Variants in IDH3A observed in about 807,000 individuals in gnomAD.
IDH3A encodes isocitrate dehydrogenase (NAD(+)) 3 catalytic subunit alpha.
Under a neutral mutation model 43.3 loss-of-function variants are expected in IDH3A, and 23 were observed. The ratio of observed to expected loss-of-function variants is 0.53; its 90% CI spans 0.38 to 0.75. IDH3A has a LOEUF of 0.75. Ranked by LOEUF, IDH3A falls within the 30% of genes least tolerant of loss-of-function variation. The pLI, the probability that IDH3A is intolerant of heterozygous loss-of-function variation, is 0.00. For synonymous variants in IDH3A, 154 were observed against 163.5 expected, an observed-to-expected ratio of 0.94 and a Z score of 0.44; for missense variants, 329 against 474.4, an observed-to-expected ratio of 0.69 and a Z score of 2.85.
intron 10 of IDH3A, chr15:78,168,416 G>C (rs1007303705): frequency 6.6e-6 from 1 of 152,084 alleles, no homozygotes; most frequent in Admixed American, 6.6e-5. Context: ...TTGAACCCAG[G>C]AGGCAGAGGT....
At chr15:78,154,927 G>A in intron 1 of IDH3A, 1 of 266,960 alleles carries the variant, frequency 3.7e-6, no homozygotes. Flanking sequence ...AGCTGAAAAA[G>A]TAGTTTTATT....
chr15:78,165,085 C>T lies in IDH3A; in HGVS notation c.864+9C>T. 1.3e-6 allele frequency: 2 copies of T among 1,580,276 alleles called. No individual in the cohort carries two copies. The highest frequency in any genetic ancestry group is 8.7e-7 in the Non-Finnish European group (1 of 1,149,310). ...TTGCAATTTTTGAGTCGGTAAGGAC[C>T]CTGACACCTGAAACAGAACTCAGGT... On this transcript the variant is annotated intron_variant, in intron 9 of 10. Transcript: ENST00000299518.
intron 1 of IDH3A, 65 bp downstream of exon 1, chr15:78,149,495 C>A: frequency 7.0e-7 from 1 of 1,426,056 alleles, no homozygotes; most frequent in South Asian, 1.3e-5. Context: ...GAGAGCCGGT[C>A]GCGTGCCGGG....
rs3816253 is a variant in IDH3A, at chr15:78,166,143, T to C, written c.865-7T>C. The stretch of plus-strand genomic sequence containing the variant: ...CCCTTGATGATGCTACTTTTCCCGA[T>C]GTGTAGGTTCATGGGACGGCTCCAG... On this transcript the variant is annotated splice_region_variant and splice_polypyrimidine_tract_variant and intron_variant, in intron 9 of 10. Coordinates refer to ENST00000299518, the MANE Select transcript of IDH3A (RefSeq NM_005530.3). 0.42 allele frequency: 678,123 copies of C among 1,611,006 alleles called. 144,487 individuals are homozygous for C. Among genetic ancestry groups the C allele is most frequent in the African/African-American group, 0.48 (36,083 of 74,854 alleles).
intron 3 of IDH3A, among the ~76,000 whole-genome samples, chr15:78,158,448 C>CACATATATATATATATATATATATATAT (rs763962799): frequency 3.5e-5 from 1 of 28,238 alleles, no homozygotes; most frequent in African/African-American, 1.6e-4. Flanking sequence ...TACATACATA[C>CACATATATATATATATATATATATATAT]ATATATATAT....
chr15:78,152,485 T>C (rs914553280), intron 1 of IDH3A, among the ~76,000 whole-genome samples: 11 of 150,764 alleles, frequency 7.3e-5, no homozygotes, highest in African/African-American at 2.7e-4. Flanking sequence ...CTCAGCCTCC[T>C]GAATAGCTGG....
At position 78,169,238 on chromosome 15, in the gene IDH3A, A is replaced by G. The variant is rs1164667605; in HGVS notation, c.*233A>G. On this transcript the variant is annotated 3_prime_UTR_variant, in exon 11 of 11. Transcript: ENST00000299518. Reference sequence around the variant, plus strand: ...TATTTATTAAGTGTCTACCTGGTAAATGTTTTTTTTGTAAACTCTGAGTGG... The same window carrying G: ...TATTTATTAAGTGTCTACCTGGTAAGTGTTTTTTTTGTAAACTCTGAGTGG... 3 of 335,012 alleles carry G rather than the reference A, an allele frequency of 9.0e-6. No individual in the cohort carries two copies. Among genetic ancestry groups the G allele is most frequent in the Admixed American group, 4.7e-5 (1 of 21,102 alleles). 20.8% of individuals were successfully genotyped at this position (335,012 alleles called of 1,614,324 possible).
Position 78,166,296 on chromosome 15 carries a change from C to T in IDH3A, c.1011C>T (p.Asp337=), listed in dbSNP as rs2304826. The change falls in exon 10 of 11, where the codon GAC becomes GAT. Residue 337 remains aspartate (D), a synonymous_variant. Transcript: ENST00000299518. ...IEAACFATIK[D]GKSLTKDLGG... ...CTGCGTGTTTTGCTACAATTAAGGA[C>T]GGAAAGGTAACAGGAATCTTGATTT... 35,275 of 1,613,826 alleles carry T rather than the reference C, an allele frequency of 0.022. 837 individuals carry two copies. Among genetic ancestry groups the T allele is most frequent in the African/African-American group, 0.11 (8,037 of 74,960 alleles).
chr15:78,155,274 G>C lies in IDH3A; in HGVS notation c.89G>C (p.Gly30Ala). The C allele has an allele frequency of 3.1e-6, 5 of 1,607,190 alleles. No homozygotes were observed. Among genetic ancestry groups the C allele is most frequent in the Non-Finnish European group, 4.3e-6 (5 of 1,173,986 alleles). Residue 30 changes from glycine (G) to alanine (A), a missense_variant and splice_region_variant, in exon 2 of 11, where the codon GGT becomes GCT. Gly to Ala is a moderately conservative substitution (Grantham distance 60). This residue lies in a region of IDH3A where 212 missense variants were observed against 345.5 expected (regional missense o/e 0.61). Transcript: ENST00000299518. ...CAGGTGACCAGAGGTTTTACTGGTG[G>C]TGTGAGTATAATTATGTCTTTTATT... ...PKQVTRGFTG[G>A]VQTVTLIPGD...
At chr15:78,154,986 T>C (rs1427199493) in intron 1 of IDH3A, among the ~76,000 whole-genome samples, 1 of 152,230 alleles carries the variant, frequency 6.6e-6, no homozygotes, top group Non-Finnish European at 1.5e-5. Flanking sequence ...TAAATTGACT[T>C]TGAAAATATA....
intron 3 of IDH3A, among the ~76,000 whole-genome samples, chr15:78,159,729 G>A (rs548204282): frequency 5.3e-4 from 80 of 152,264 alleles, no homozygotes; most frequent in African/African-American, 1.5e-3. Context: ...GGTAGCTCAC[G>A]TCTGTAATCC....
chr15:78,159,493 C>T (rs1286428545), intron 3 of IDH3A, among the ~76,000 whole-genome samples: 1 of 152,126 alleles, frequency 6.6e-6, no homozygotes, highest in Non-Finnish European at 1.5e-5. Flanking sequence ...TTCTGTGAAC[C>T]ATATTCCTCT....
chr15:78,162,422 G>A, intron 6 of IDH3A, 55 bp downstream of exon 6: 1 of 1,589,384 alleles, frequency 6.3e-7, no homozygotes, highest in African/African-American at 1.3e-5. Context: ...GGAGAGCAGT[G>A]ACAGGGCTTC....
chr15:78,171,552 T>A lies in IDH3A; in HGVS notation c.*2547T>A, dbSNP rs1381678208. On this transcript the variant is annotated 3_prime_UTR_variant, in exon 11 of 11. Coordinates refer to ENST00000299518, the MANE Select transcript of IDH3A (RefSeq NM_005530.3). Reference sequence around the variant, plus strand: ...GACCTAAAAGGGAAATGAGAAGAAATGAGTGAGGCCCAGGCTCTGAGAACT... The same window carrying A: ...GACCTAAAAGGGAAATGAGAAGAAAAGAGTGAGGCCCAGGCTCTGAGAACT... 1 of 1,594,292 alleles carries A rather than the reference T, an allele frequency of 6.3e-7. No homozygotes were observed. Among genetic ancestry groups the A allele is most frequent in the Admixed American group, 1.7e-5 (1 of 59,994 alleles).
At chr15:78,157,689 G>A (rs973182743) in intron 3 of IDH3A, 58 bp downstream of exon 3, 6 of 1,205,784 alleles carry the variant, frequency 5.0e-6, no homozygotes, top group Non-Finnish European at 7.3e-6. Context: ...TTCTTAGCCA[G>A]TTGGATTCTG....
chr15:78,163,965 T>C (rs2074709942), intron 8 of IDH3A, among the ~76,000 whole-genome samples, 185 bp downstream of exon 8: 4 of 152,260 alleles, frequency 2.6e-5, no homozygotes, highest in Admixed American at 2.6e-4. Context: ...TGTTCCTTCA[T>C]TGATTTGCCA....
chr15:78,165,524 C>CAT (rs145524033), intron 9 of IDH3A, among the ~76,000 whole-genome samples: 3 of 151,902 alleles, frequency 2.0e-5, no homozygotes, highest in African/African-American at 4.8e-5. Flanking sequence ...CATATATAAA[C>CAT]ATATATATAT....
chr15:78,154,200 AAAAC>A (rs2074605282), intron 1 of IDH3A, among the ~76,000 whole-genome samples: 1 of 150,980 alleles, frequency 6.6e-6, no homozygotes, highest in South Asian at 2.2e-4. Context: ...AAAAAAAAAA[AAAAC>A]ACGTACCAGT....
At chr15:78,166,583 A>G (rs2074745629) in intron 10 of IDH3A, 2 of 372,918 alleles carry the variant, frequency 5.4e-6, no homozygotes, top group African/African-American at 2.0e-5. Flanking sequence ...GGGAGGCAGC[A>G]TCAGGTGCAC....
Sources: gnomAD v4.1 joint callset for allele counts (sites outside exome capture counted in the v4.1 genomes callset) on GRCh38, gnomAD v4.1.1 for gene constraint, gnomAD v4.1.1 regional missense constraint, MANE v1.5 for transcripts, NCBI Gene and HGNC (gene_info 2026-07-23, HGNC 2026-07-21) for gene names.